Variants in NBEA observed in about 807,000 individuals in gnomAD.
NBEA encodes the protein neurobeachin, also known as lysosomal-trafficking regulator 2.
NBEA carries 44 observed loss-of-function variants against 343.4 expected under a neutral mutation model. The observed-to-expected ratio is 0.13, with a 90% CI of 0.10 to 0.16. The LOEUF (loss-of-function observed/expected upper bound fraction) is 0.16. NBEA is among the 10% of genes least tolerant of loss of function. NBEA has a pLI of 1.00. For synonymous variants in NBEA, 1,175 were observed against 1,238.7 expected, an observed-to-expected ratio of 0.95 and a Z score of 1.08; for missense variants, 2,555 against 3,631.3, an observed-to-expected ratio of 0.70 and a Z score of 7.62.
chr13:35,003,357 G>A (rs934088628), intron 1 of NBEA, among the ~76,000 whole-genome samples: 1 of 151,984 alleles, frequency 6.6e-6, no homozygotes, highest in Non-Finnish European at 1.5e-5. Flanking sequence ...AACAGAATGA[G>A]ACCTCATCTT....
chr13:34,971,196 G>C (rs1343015688), intron 1 of NBEA, among the ~76,000 whole-genome samples: 3 of 151,982 alleles, frequency 2.0e-5, no homozygotes, highest in Non-Finnish European at 4.4e-5. Context: ...TGGTGTATAG[G>C]AACGCTAGCA....
At chr13:35,616,370 C>A (rs1367769365) in intron 48 of NBEA, among the ~76,000 whole-genome samples, 1 of 152,182 alleles carries the variant, frequency 6.6e-6, no homozygotes, top group Non-Finnish European at 1.5e-5. Flanking sequence ...TTTGGAATAT[C>A]CTGTTTGTTA....
chr13:35,074,540 G>C (rs2064026685), intron 10 of NBEA, among the ~76,000 whole-genome samples: 1 of 152,106 alleles, frequency 6.6e-6, no homozygotes, highest in African/African-American at 2.4e-5. Flanking sequence ...TTGCGTAAGT[G>C]TTCTTTTGGT....
intron 34 of NBEA, among the ~76,000 whole-genome samples, chr13:35,281,679 T>C (rs1312468085): frequency 6.6e-6 from 1 of 152,032 alleles, no homozygotes; most frequent in Non-Finnish European, 1.5e-5. Flanking sequence ...TTTAAGTATT[T>C]CAAAGAAAAA....
At chr13:35,263,879 A>G (rs1405798171) in intron 34 of NBEA, among the ~76,000 whole-genome samples, 1 of 151,978 alleles carries the variant, frequency 6.6e-6, no homozygotes, top group Admixed American at 6.6e-5. Context: ...AAAACGAGAA[A>G]ACTAAGCACA....
At chr13:35,211,245 A>G in intron 33 of NBEA, 66 bp downstream of exon 33, 1 of 1,294,526 alleles carries the variant, frequency 7.7e-7, no homozygotes, top group Non-Finnish European at 1.1e-6. Context: ...ACACAAAAAT[A>G]CAAAAATATA....
At position 35,655,647 on chromosome 13, in the gene NBEA, A is replaced by C; in HGVS notation, c.8260A>C (p.Ile2754Leu). 6.2e-7 allele frequency: 1 copy of C among 1,613,870 alleles called. No homozygotes were observed. The highest frequency in any genetic ancestry group is 8.5e-7 in the Non-Finnish European group (1 of 1,179,870). The change falls in exon 55 of 59, where the codon ATT (isoleucine) becomes CTT (leucine). Residue 2754 changes from isoleucine to leucine, a missense_variant. Around this residue, in one of 21 missense-constraint regions of NBEA, gnomAD observed 186 missense variants for 328.9 expected, o/e 0.57. Transcript: ENST00000379939. ...VTCLARSESY[I>L]GGDCYIVSGS... ...TTGCTTGGCCAGGTCCGAGTCATACATTGGTGGGGACTGCTACATCGTGTC... is the reference window on the plus strand; with the variant it reads ...TTGCTTGGCCAGGTCCGAGTCATACCTTGGTGGGGACTGCTACATCGTGTC...
chr13:34,978,114 A>T (rs1237137214), intron 1 of NBEA, among the ~76,000 whole-genome samples: 1 of 152,192 alleles, frequency 6.6e-6, no homozygotes, highest in Admixed American at 6.5e-5. Flanking sequence ...GCCTAAAGTT[A>T]TTCTTTAATC....
intron 11 of NBEA, 80 bp from the exon 12 acceptor site, chr13:35,109,210 T>C (rs776024403): frequency 1.4e-5 from 18 of 1,265,072 alleles, no homozygotes; most frequent in Non-Finnish European, 1.8e-5. Context: ...GAAAAATTCA[T>C]GTGTCCTTAT....
At chr13:35,121,139 C>T (rs1281126254) in intron 16 of NBEA, among the ~76,000 whole-genome samples, 2 of 151,878 alleles carry the variant, frequency 1.3e-5, no homozygotes, top group Admixed American at 1.3e-4. Context: ...GAGTCTCGCT[C>T]TGTTGTCTAG....
At chr13:35,584,114 T>TTA in intron 46 of NBEA, 76 bp downstream of exon 46, 2 of 1,337,956 alleles carry the variant, frequency 1.5e-6, no homozygotes, top group Non-Finnish European at 2.1e-6. Context: ...AAAAATCAAA[T>TTA]CAGTTGTAAT....
At chr13:34,968,381 A>G (rs1023877013) in intron 1 of NBEA, among the ~76,000 whole-genome samples, 3 of 152,046 alleles carry the variant, frequency 2.0e-5, no homozygotes, top group African/African-American at 4.8e-5. Context: ...CCTTGAAACT[A>G]TCTAAGGGCC....
chr13:35,306,480 C>A (rs932556895), intron 35 of NBEA, among the ~76,000 whole-genome samples: 2 of 151,964 alleles, frequency 1.3e-5, no homozygotes, highest in African/African-American at 4.8e-5. Flanking sequence ...ATATTTTCAA[C>A]TCTTTTTTAA....
rs1205080463 is a variant in NBEA, at chr13:34,942,971, T to C, written c.151T>C (p.Ser51Pro). 4 of 1,603,854 alleles carry C rather than the reference T, an allele frequency of 2.5e-6. No homozygotes were observed. Among genetic ancestry groups the C allele is most frequent in the Middle Eastern group, 1.8e-4 (1 of 5,622 alleles). ...GGGGGAGCTAAGGGGGGCGTCCGGC[T>C]CCGGCTCGGTGATGCTCCCCGCGGG... ...GMGELRGASG[S>P]GSVMLPAGMI... Residue 51 changes from serine (S) to proline (P), a missense_variant, in exon 1 of 59, where the codon TCC (serine) becomes CCC (proline). Around this residue, in one of 21 missense-constraint regions of NBEA, gnomAD observed 122 missense variants for 91.0 expected, o/e 1.34. Coordinates refer to ENST00000379939, the MANE Select transcript of NBEA (RefSeq NM_001385012.1).
At chr13:35,592,077 A>G (rs2081564781) in intron 46 of NBEA, among the ~76,000 whole-genome samples, 1 of 152,074 alleles carries the variant, frequency 6.6e-6, no homozygotes, top group Non-Finnish European at 1.5e-5. Flanking sequence ...CATAAGAACA[A>G]CCTAAGAACT....
chr13:35,464,915 G>A (rs888164647), intron 40 of NBEA, among the ~76,000 whole-genome samples: 3 of 151,948 alleles, frequency 2.0e-5, no homozygotes, highest in East Asian at 1.9e-4. Context: ...CGTTGACTAC[G>A]TGAATGAATG....
At chr13:35,326,330 T>G (rs2152844371) in intron 36 of NBEA, among the ~76,000 whole-genome samples, 1 of 152,220 alleles carries the variant, frequency 6.6e-6, no homozygotes, top group Admixed American at 6.6e-5. Flanking sequence ...GGTTTATTGT[T>G]ATCCTTGTAG....
intron 46 of NBEA, among the ~76,000 whole-genome samples, chr13:35,587,635 C>T (rs1018743952): frequency 1.3e-5 from 2 of 152,008 alleles, no homozygotes; most frequent in Non-Finnish European, 2.9e-5. Flanking sequence ...TGTTTTTTTA[C>T]CTAATCAAGT....
chr13:35,595,686 G>T (rs1319087180), intron 47 of NBEA, among the ~76,000 whole-genome samples: 5 of 151,920 alleles, frequency 3.3e-5, no homozygotes, highest in African/African-American at 1.2e-4. Flanking sequence ...GGGACTGATG[G>T]CTCAAAGACA....
Sources: gnomAD v4.1 joint callset for allele counts (sites outside exome capture counted in the v4.1 genomes callset) on GRCh38, gnomAD v4.1.1 for gene constraint, gnomAD v4.1.1 regional missense constraint, MANE v1.5 for transcripts, NCBI Gene and HGNC (gene_info 2026-07-23, HGNC 2026-07-21) for gene names.